Variants in TMEM108 observed in about 807,000 individuals in gnomAD.
TMEM108 encodes transmembrane protein 108.
TMEM108 carries 12 observed loss-of-function variants against 35.1 expected under a neutral mutation model. The ratio of observed to expected loss-of-function variants is 0.34; its 90% CI spans 0.22 to 0.55. The LOEUF (loss-of-function observed/expected upper bound fraction) is 0.55, where lower values mean the gene tolerates loss of function less well. TMEM108 is among the 20% of genes least tolerant of loss of function. The pLI is 0.89. For missense variants in TMEM108, 680 were observed against 753.3 expected (o/e 0.90, Z 1.14); for synonymous variants, 287 against 308.6 (o/e 0.93, Z 0.73).
At chr3:133,284,224 A>G (rs2107690597) in intron 3 of TMEM108, among the ~76,000 whole-genome samples, 1 of 152,274 alleles carries the variant, frequency 6.6e-6, no homozygotes, top group East Asian at 1.9e-4. Flanking sequence ...TGTTCCAGCC[A>G]TTTCTATTGC....
At chr3:133,084,884 A>T (rs540263505) in intron 2 of TMEM108, among the ~76,000 whole-genome samples, 2 of 152,124 alleles carry the variant, frequency 1.3e-5, no homozygotes, top group Non-Finnish European at 2.9e-5. Flanking sequence ...CCATAGTGCA[A>T]AGGGGGAAGG....
intron 2 of TMEM108, among the ~76,000 whole-genome samples, chr3:133,211,893 A>G (rs898696917): frequency 6.6e-6 from 1 of 151,806 alleles, no homozygotes; most frequent in Non-Finnish European, 1.5e-5. Context: ...GGAATTCTGC[A>G]TCTTGGTGGA....
At chr3:133,367,325 T>C (rs1401189657) in intron 3 of TMEM108, among the ~76,000 whole-genome samples, 1 of 152,146 alleles carries the variant, frequency 6.6e-6, no homozygotes, top group Non-Finnish European at 1.5e-5. Flanking sequence ...ACATTAATGA[T>C]GGTATCAGTA....
intron 2 of TMEM108, among the ~76,000 whole-genome samples, chr3:133,118,265 A>G (rs1343339952): frequency 6.6e-6 from 1 of 152,186 alleles, no homozygotes; most frequent in Non-Finnish European, 1.5e-5. Flanking sequence ...CTCAATGGTA[A>G]TAGTCTTAAA....
At position 133,203,368 on chromosome 3, in the gene TMEM108, T is replaced by C. The variant is rs1296059021; in HGVS notation, c.-46-25898T>C. Among the ~76,000 whole-genome samples the C allele has an allele frequency of 3.9e-5, 6 of 152,340 alleles. No individual in the cohort carries two copies. The East Asian group carries it at 7.7e-4, about 20-fold the overall frequency. ...GTGAGAGAGGGCATCCTTGTCTTTG[T>C]GCCGGTTTTCAAAAGGAATGCTTCC... On this transcript the variant is annotated intron_variant, in intron 2 of 5. Coordinates refer to ENST00000321871, the MANE Select transcript of TMEM108 (RefSeq NM_023943.4).
chr3:133,395,921 G>A lies in TMEM108; in HGVS notation c.1663G>A (p.Val555Ile). ...TGGCGACTATAGAGACACTGGGATG[G>A]TCCTTGTTAACCCCTTCTGTCAAGA... ...ANGDYRDTGMVLVNPFCQETL... is the reference protein window; with the variant it reads ...ANGDYRDTGMILVNPFCQETL... Residue 555 changes from valine to isoleucine, a missense_variant, in exon 6 of 6, where the codon GTC (valine) becomes ATC (isoleucine). Val to Ile is a conservative substitution (Grantham distance 29, BLOSUM62 3). This residue lies in a region of TMEM108 where 105 missense variants were observed against 150.7 expected (regional missense o/e 0.70). Transcript: ENST00000321871. 6.2e-7 allele frequency: 1 copy of A among 1,608,444 alleles called. No homozygotes were observed.
intron 2 of TMEM108, among the ~76,000 whole-genome samples, chr3:133,152,526 A>G (rs769768426): frequency 1.3e-5 from 2 of 152,138 alleles, no homozygotes; most frequent in Non-Finnish European, 2.9e-5. Context: ...GTCGTCATCT[A>G]TTTGGGTTAT....
intron 3 of TMEM108, among the ~76,000 whole-genome samples, chr3:133,233,337 A>G (rs1018641712): frequency 6.6e-6 from 1 of 151,662 alleles, no homozygotes; most frequent in African/African-American, 2.4e-5. Flanking sequence ...ATGATTTCCA[A>G]TTTCATCCAT....
At chr3:133,066,966 C>T (rs538810202) in intron 2 of TMEM108, among the ~76,000 whole-genome samples, 1 of 152,314 alleles carries the variant, frequency 6.6e-6, no homozygotes, top group African/African-American at 2.4e-5. Context: ...CACTGAGATT[C>T]ACCCATGTTG....
chr3:133,186,683 A>G (rs911720231), intron 2 of TMEM108, among the ~76,000 whole-genome samples: 2 of 152,204 alleles, frequency 1.3e-5, no homozygotes, highest in African/African-American at 4.8e-5. Flanking sequence ...AGTCTTCCCA[A>G]TCCAAATTTC....
intron 2 of TMEM108, among the ~76,000 whole-genome samples, chr3:133,123,597 G>A (rs1944380105): frequency 6.6e-6 from 1 of 152,158 alleles, no homozygotes; most frequent in African/African-American, 2.4e-5. Context: ...TTAAGCAAAT[G>A]CTTACTGAGC....
chr3:133,307,281 C>G (rs1223414363), intron 3 of TMEM108, among the ~76,000 whole-genome samples: 1 of 152,090 alleles, frequency 6.6e-6, no homozygotes, highest in African/African-American at 2.4e-5. Flanking sequence ...AGCCCTTTGT[C>G]ATATAGGTAG....
At chr3:133,105,903 G>A (rs1240335158) in intron 2 of TMEM108, among the ~76,000 whole-genome samples, 1 of 152,136 alleles carries the variant, frequency 6.6e-6, no homozygotes, top group African/African-American at 2.4e-5. Flanking sequence ...TGGGCAGTGG[G>A]TACAAAGAGG....
At chr3:133,153,113 T>C (rs1944825827) in intron 2 of TMEM108, among the ~76,000 whole-genome samples, 1 of 152,154 alleles carries the variant, frequency 6.6e-6, no homozygotes, top group East Asian at 1.9e-4. Flanking sequence ...TAGACCATTG[T>C]GTCAAACACC....
At chr3:133,063,565 T>C (rs1943559650) in intron 2 of TMEM108, among the ~76,000 whole-genome samples, 1 of 151,948 alleles carries the variant, frequency 6.6e-6, no homozygotes, top group African/African-American at 2.4e-5. Flanking sequence ...TGGTGGGTGA[T>C]AGGGTCAGGA....
chr3:133,303,261 G>A (rs181076514), intron 3 of TMEM108: 6 of 152,082 alleles, frequency 3.9e-5, no homozygotes, highest in African/African-American at 1.5e-4. Flanking sequence ...TTTTGAGTAT[G>A]TACATGTTAC....
At position 133,062,250 on chromosome 3, in the gene TMEM108, A is replaced by G. The variant is rs558968526; in HGVS notation, c.-47+16230A>G. 9.8e-5 allele frequency among the ~76,000 whole-genome samples: 15 copies of G among 152,360 alleles called. No homozygotes were observed. In the East Asian group the frequency reaches 2.3e-3, roughly 23 times the overall value. On this transcript the variant is annotated intron_variant, in intron 2 of 5. Transcript: ENST00000321871. ...TGGAAAATCATAACCTGTTAACCCA[A>G]TGGATAAACAATAGCTAGGAAAGCT...
chr3:133,369,785 T>C (rs1049857497), intron 3 of TMEM108, among the ~76,000 whole-genome samples: 7 of 152,100 alleles, frequency 4.6e-5, no homozygotes, highest in Admixed American at 2.0e-4. Context: ...TCAGCAACCA[T>C]ACCCTTACTT....
intron 2 of TMEM108, among the ~76,000 whole-genome samples, chr3:133,078,140 A>AGTGTGTGTGTGTGT (rs745912251): frequency 9.4e-6 from 1 of 106,222 alleles, no homozygotes; most frequent in Middle Eastern, 3.8e-3. Flanking sequence ...TATGGAGCTC[A>AGTGTGTGTGTGTGT]GTGTGTGTGT....
Sources: allele counts gnomAD v4.1 joint callset (sites outside exome capture counted in the v4.1 genomes callset), GRCh38; gene constraint gnomAD v4.1.1; regional missense constraint gnomAD v4.1.1; transcripts MANE v1.5; gene names NCBI Gene and HGNC (gene_info 2026-07-23, HGNC 2026-07-21).